The following FYN variants were observed in gnomAD, a reference collection of about 807,000 sequenced individuals.
The protein encoded by FYN is tyrosine-protein kinase Fyn.
Under a neutral mutation model 70.2 loss-of-function variants are expected in FYN, and 10 were observed. The observed-to-expected ratio is 0.14, with a 90% CI of 0.09 to 0.24. The LOEUF (loss-of-function observed/expected upper bound fraction) is 0.24, where lower values mean the gene tolerates loss of function less well. Among genes scored for constraint, FYN ranks in the 10% least tolerant of loss-of-function variants. The pLI is 1.00. For missense variants in FYN, 319 were observed against 673.1 expected (o/e 0.47, Z 5.82); for synonymous variants, 236 against 248.6 (o/e 0.95, Z 0.48).
At chr6:111,810,482 G>C (rs867781902) in intron 2 of FYN, among the ~76,000 whole-genome samples, 12 of 152,314 alleles carry the variant, frequency 7.9e-5, no homozygotes, top group African/African-American at 2.9e-4. Context: ...CCTCCTGTGT[G>C]AACTGTAAAT....
intron 2 of FYN, among the ~76,000 whole-genome samples, chr6:111,821,244 C>T (rs552536851): frequency 2.0e-5 from 3 of 152,002 alleles, no homozygotes; most frequent in African/African-American, 7.2e-5. Context: ...TACTACAAGG[C>T]TACAGTAACC....
chr6:111,707,789 C>G (rs985571442), intron 6 of FYN, 133 bp downstream of exon 6: 1 of 663,180 alleles, frequency 1.5e-6, no homozygotes, highest in Non-Finnish European at 2.7e-6. Flanking sequence ...AAAACCGGGG[C>G]AGAAAGCCTG....
intron 2 of FYN, among the ~76,000 whole-genome samples, chr6:111,814,343 A>C (rs1397358729): frequency 6.6e-6 from 1 of 152,236 alleles, no homozygotes; most frequent in African/African-American, 2.4e-5. Context: ...CAAACGATAA[A>C]GCCATTTTCA....
intron 1 of FYN, among the ~76,000 whole-genome samples, chr6:111,870,028 GT>G (rs769092935): frequency 1.6e-4 from 24 of 152,332 alleles, no homozygotes; most frequent in Admixed American, 7.2e-4. Context: ...GGCAGTGAAT[GT>G]GCCTTGATAA....
intron 12 of FYN, among the ~76,000 whole-genome samples, chr6:111,686,910 C>G (rs1799032062): frequency 6.6e-6 from 1 of 152,116 alleles, no homozygotes; most frequent in Admixed American, 6.5e-5. Flanking sequence ...CGTTGTAATA[C>G]AAAGGAAGGA....
intron 2 of FYN, among the ~76,000 whole-genome samples, chr6:111,804,483 T>A (rs923001473): frequency 5.9e-5 from 9 of 152,214 alleles, no homozygotes; most frequent in South Asian, 2.1e-4. Flanking sequence ...ATGAATTTTT[T>A]AAAAAATCCA....
intron 3 of FYN, among the ~76,000 whole-genome samples, chr6:111,750,057 A>T (rs568539357): frequency 9.0e-4 from 137 of 152,204 alleles, no homozygotes; most frequent in Non-Finnish European, 1.6e-3. Context: ...ACTGCTACTA[A>T]CATATATGTC....
intron 12 of FYN, among the ~76,000 whole-genome samples, chr6:111,677,011 T>C (rs1798555568): frequency 6.6e-6 from 1 of 152,214 alleles, no homozygotes; most frequent in Non-Finnish European, 1.5e-5. Context: ...CTTCAAAAAA[T>C]GTTAAAACAA....
Position 111,661,374 on chromosome 6 carries a change from A to T in FYN, c.*365T>A. ...ATACTTTTTTTTTTTTAGTTGAATC[A>T]GGTGAAGACAGAGTTAAAATCACAT... On this transcript the variant is annotated 3_prime_UTR_variant, in exon 14 of 14. Transcript: ENST00000354650. This position sits in a 1 kb window ranked among gnomAD's most constrained non-coding sequence, Gnocchi z 4.0. 3 of 170,270 alleles carry T rather than the reference A, an allele frequency of 1.8e-5. No homozygotes were observed. Among genetic ancestry groups the T allele is most frequent in the African/African-American group, 2.4e-5 (1 of 42,268 alleles). 10.5% of individuals were successfully genotyped at this position (170,270 alleles called of 1,614,324 possible).
intron 5 of FYN, among the ~76,000 whole-genome samples, chr6:111,712,001 G>A (rs980585438): frequency 1.3e-5 from 2 of 152,206 alleles, no homozygotes; most frequent in Non-Finnish European, 2.9e-5. Context: ...AAAGGACTCC[G>A]TAAACATCAA....
intron 12 of FYN, among the ~76,000 whole-genome samples, chr6:111,678,578 T>A (rs991292034): frequency 1.4e-4 from 22 of 152,172 alleles, no homozygotes; most frequent in African/African-American, 5.3e-4. Context: ...TATCACCAGA[T>A]GGGACCTCTC....
intron 2 of FYN, among the ~76,000 whole-genome samples, chr6:111,781,285 T>C (rs190593592): frequency 1.9e-3 from 286 of 152,230 alleles, no homozygotes; most frequent in Non-Finnish European, 2.6e-3. Context: ...CTGCAAACCT[T>C]GGCCCAGTCC....
intron 2 of FYN, among the ~76,000 whole-genome samples, chr6:111,800,866 G>A (rs1201782916): frequency 3.9e-5 from 6 of 152,184 alleles, no homozygotes; most frequent in African/African-American, 9.7e-5. Context: ...ACCCATGGGG[G>A]CTGCAGCAGA....
At chr6:111,748,576 G>A (rs540701840) in intron 3 of FYN, among the ~76,000 whole-genome samples, 277 of 152,304 alleles carry the variant, frequency 1.8e-3, no homozygotes, top group Non-Finnish European at 3.2e-3. Context: ...GTTTGGTGTA[G>A]AGCTTGGACC....
chr6:111,732,013 T>C (rs1801480634), intron 3 of FYN, among the ~76,000 whole-genome samples: 1 of 152,204 alleles, frequency 6.6e-6, no homozygotes, highest in Admixed American at 6.5e-5. Flanking sequence ...GTAGTGATGC[T>C]TTCCCCAGCA....
At chr6:111,785,819 TC>T (rs1771351392) in intron 2 of FYN, among the ~76,000 whole-genome samples, 2 of 102,802 alleles carry the variant, frequency 1.9e-5, no homozygotes, top group Admixed American at 1.1e-4. Context: ...CCCTCCTCCC[TC>T]CCCCGACCCC....
chr6:111,685,871 G>T (rs1177602126), intron 12 of FYN, among the ~76,000 whole-genome samples: 2 of 152,178 alleles, frequency 1.3e-5, no homozygotes, highest in African/African-American at 4.8e-5. Context: ...GACCAGCACA[G>T]ATAAAGGGGA....
intron 13 of FYN, among the ~76,000 whole-genome samples, chr6:111,673,528 C>T (rs983432579): frequency 2.1e-4 from 32 of 151,774 alleles, no homozygotes; most frequent in African/African-American, 7.0e-4. Flanking sequence ...AATCTGCCTT[C>T]GCTAGCTCCT....
chr6:111,809,115 G>C (rs760490360), intron 2 of FYN, among the ~76,000 whole-genome samples: 4 of 152,086 alleles, frequency 2.6e-5, no homozygotes, highest in African/African-American at 9.7e-5. Context: ...CCATACTCAT[G>C]GCCTATAGCA....
Sources: gnomAD v4.1 joint callset for allele counts (sites outside exome capture counted in the v4.1 genomes callset) on GRCh38, gnomAD v4.1.1 for gene constraint, Gnocchi (gnomAD v3.1) non-coding constraint, MANE v1.5 for transcripts, NCBI Gene and HGNC (gene_info 2026-07-23, HGNC 2026-07-21) for gene names.